LIN54: variants seen among roughly 807,000 people sequenced by gnomAD.
LIN54 encodes protein lin-54 homolog.
In LIN54, 9 loss-of-function variants were observed where a neutral mutation model predicts 78.7. That is an observed-to-expected ratio of 0.11 (90% CI 0.07 to 0.20). LIN54 has a LOEUF of 0.20. LIN54 is among the 10% of genes least tolerant of loss of function. The pLI is 1.00. For synonymous variants in LIN54, 269 were observed against 318.4 expected, an observed-to-expected ratio of 0.84 and a Z score of 1.65; for missense variants, 573 against 889.9, an observed-to-expected ratio of 0.64 and a Z score of 4.53.
chr4:82,995,489 CTTTTTTTTTTTTTTT>C (rs749880882), intron 1 of LIN54, among the ~76,000 whole-genome samples: 1 of 76,348 alleles, frequency 1.3e-5, no homozygotes. Context: ...ATCCTTATCT[CTTTTTTTTTTTTTTT>C]TTTTTTTTTG....
chr4:82,937,198 A>C, intron 9 of LIN54, 29 bp downstream of exon 9: 3 of 1,078,044 alleles, frequency 2.8e-6, no homozygotes, highest in Non-Finnish European at 2.9e-6. Flanking sequence ...AATTACATTA[A>C]ATAAGCAAAC....
intron 4 of LIN54, among the ~76,000 whole-genome samples, chr4:82,950,839 T>C (rs1360177213): frequency 2.0e-5 from 3 of 152,134 alleles, no homozygotes; most frequent in Non-Finnish European, 4.4e-5. Context: ...TTACTTAAAA[T>C]TGCAGACTTA....
rs180883750 is a variant in LIN54 at position 82,934,778 on chromosome 4, A to G, written c.1845+1203T>C. On this transcript the variant is annotated intron_variant, in intron 11 of 12. Coordinates refer to ENST00000340417, the MANE Select transcript of LIN54 (RefSeq NM_194282.4). Reference sequence around the variant, plus strand: ...TGAAAATATATGAGAGTATGAGAAGAGCCAAGAAGAGGAATAACTCAACCA... The same window carrying G: ...TGAAAATATATGAGAGTATGAGAAGGGCCAAGAAGAGGAATAACTCAACCA... Among the ~76,000 whole-genome samples the G allele has an allele frequency of 5.3e-3, 811 of 152,334 alleles. 9 individuals are homozygous for G. The highest frequency in any genetic ancestry group is 5.9e-3 in the Non-Finnish European group (399 of 68,036).
At chr4:82,996,607 T>C (rs1728239864) in intron 1 of LIN54, among the ~76,000 whole-genome samples, 1 of 151,996 alleles carries the variant, frequency 6.6e-6, no homozygotes, top group Non-Finnish European at 1.5e-5. Flanking sequence ...GGTTTCACCA[T>C]GTTGGCCAGG....
intron 5 of LIN54, among the ~76,000 whole-genome samples, chr4:82,941,149 GAT>G (rs3081913): frequency 0.43 from 56,451 of 131,080 alleles, 13,900 homozygotes; most frequent in Non-Finnish European, 0.55. Context: ...GAGTTAAGAG[GAT>G]ATATATATAT....
At chr4:82,960,867 C>T (rs1303256152) in intron 4 of LIN54, among the ~76,000 whole-genome samples, 1 of 151,950 alleles carries the variant, frequency 6.6e-6, no homozygotes, top group Non-Finnish European at 1.5e-5. Flanking sequence ...TTAAGACCAG[C>T]GTGGGCAACA....
chr4:83,012,437 C>T (rs1422272197), upstream of LIN54, among the ~76,000 whole-genome samples: 1 of 152,138 alleles, frequency 6.6e-6, no homozygotes, highest in Non-Finnish European at 1.5e-5. Flanking sequence ...GGGGCCGCCA[C>T]GGGTGGCTTG....
intron 1 of LIN54, among the ~76,000 whole-genome samples, chr4:82,997,690 G>T (rs532797662): frequency 6.6e-6 from 1 of 152,008 alleles, no homozygotes; most frequent in South Asian, 2.1e-4. Context: ...ATTTAGGATG[G>T]TGACAATAAA....
intron 1 of LIN54, among the ~76,000 whole-genome samples, chr4:83,001,980 G>A (rs13127617): frequency 0.73 from 1,294 of 1,784 alleles, 570 homozygotes; most frequent in Middle Eastern, 1. Flanking sequence ...GGAAGGAAGG[G>A]AGGGATCTTG....
intron 11 of LIN54, among the ~76,000 whole-genome samples, chr4:82,932,996 A>G (rs1240119600): frequency 6.6e-6 from 1 of 152,040 alleles, no homozygotes; most frequent in Non-Finnish European, 1.5e-5. Context: ...CTTTCTCTCT[A>G]TAGCACCTAG....
At chr4:82,934,716 CTAAT>C (rs148698522) in intron 11 of LIN54, among the ~76,000 whole-genome samples, 223 of 152,122 alleles carry the variant, frequency 1.5e-3, no homozygotes, top group Middle Eastern at 0.01. Flanking sequence ...AATAAATAAA[CTAAT>C]TAATTAATTA....
intron 11 of LIN54, among the ~76,000 whole-genome samples, chr4:82,931,798 CAT>C (rs1721976315): frequency 6.6e-6 from 1 of 152,032 alleles, no homozygotes; most frequent in Admixed American, 6.6e-5. Context: ...TTTTCAAAAT[CAT>C]ATTATCTGCT....
rs1726387829 is a variant in LIN54, at chr4:82,978,871, A to C, written c.808+12T>G. The stretch of plus-strand genomic sequence containing the variant: ...TAAATATTTAGCTTAATAAACTATA[A>C]AGAAATATAACCTGCAATAACTGGT... On this transcript the variant is annotated intron_variant, in intron 3 of 12. Coordinates refer to ENST00000340417, the MANE Select transcript of LIN54 (RefSeq NM_194282.4). 11 of 1,472,178 alleles carry C rather than the reference A, an allele frequency of 7.5e-6. No homozygotes were observed. Among genetic ancestry groups the C allele is most frequent in the Non-Finnish European group, 1.0e-5 (11 of 1,069,510 alleles). 91.2% of individuals were successfully genotyped at this position (1,472,178 alleles called of 1,614,324 possible).
At chr4:82,974,068 G>A (rs1021793634) in intron 3 of LIN54, among the ~76,000 whole-genome samples, 1 of 151,974 alleles carries the variant, frequency 6.6e-6, no homozygotes, top group Admixed American at 6.6e-5. Flanking sequence ...AAATTAGCTG[G>A]GTGTGGTGGC....
intron 3 of LIN54, among the ~76,000 whole-genome samples, chr4:82,975,339 A>G (rs1231178139): frequency 2.0e-5 from 3 of 151,994 alleles, no homozygotes; most frequent in African/African-American, 7.3e-5. Context: ...GCATCTCAAA[A>G]AAAAAAAAAG....
At chr4:82,979,939 C>CAGAAAAAAAA (rs1726488955) in intron 2 of LIN54, among the ~76,000 whole-genome samples, 1 of 49,872 alleles carries the variant, frequency 2.0e-5, no homozygotes, top group Non-Finnish European at 3.5e-5. Context: ...GACTCTGTCT[C>CAGAAAAAAAA]AAAAAAAAAA....
At chr4:82,964,115 A>G (rs1173163616) in intron 4 of LIN54, among the ~76,000 whole-genome samples, 2 of 151,620 alleles carry the variant, frequency 1.3e-5, no homozygotes, top group East Asian at 1.9e-4. Context: ...CAGCGGTACA[A>G]TCTTGGCTCA....
chr4:83,002,706 A>G (rs777580850), intron 1 of LIN54, among the ~76,000 whole-genome samples: 45 of 152,272 alleles, frequency 3.0e-4, no homozygotes, highest in Middle Eastern at 3.4e-3. Flanking sequence ...AACAGTAACT[A>G]TATTTTCTCC....
chr4:83,006,619 A>G (rs1729402834), intron 1 of LIN54, among the ~76,000 whole-genome samples: 1 of 152,042 alleles, frequency 6.6e-6, no homozygotes, highest in Admixed American at 6.6e-5. Context: ...AAAAAGGTGA[A>G]TTCCAAATTA....
Sources: gnomAD v4.1 joint callset for allele counts (sites outside exome capture counted in the v4.1 genomes callset) on GRCh38, gnomAD v4.1.1 for gene constraint, MANE v1.5 for transcripts, NCBI Gene and HGNC (gene_info 2026-07-23, HGNC 2026-07-21) for gene names.